SNTG1: variants seen among roughly 807,000 people sequenced by gnomAD.
The protein encoded by SNTG1 is gamma-1-syntrophin.
SNTG1 carries 39 observed loss-of-function variants against 74.7 expected under a neutral mutation model. The ratio of observed to expected loss-of-function variants is 0.52; its 90% CI spans 0.40 to 0.68. The LOEUF is 0.68. Among genes scored for constraint, SNTG1 ranks in the 30% least tolerant of loss-of-function variants. The probability of loss-of-function intolerance (pLI) is 0.00; values close to 1 mark genes in which losing one functional copy is unlikely to be tolerated. For synonymous variants in SNTG1, 254 were observed against 217.1 expected (o/e 1.17, Z -1.49); for missense variants, 685 against 609.5 (o/e 1.12, Z -1.30).
At chr8:50,382,964 C>A (rs949023296) in intron 2 of SNTG1, among the ~76,000 whole-genome samples, 1 of 152,100 alleles carries the variant, frequency 6.6e-6, no homozygotes. Context: ...GCTTTTAGGG[C>A]CTTTCAGTGA....
chr8:50,377,677 T>A (rs1199773585), intron 2 of SNTG1, among the ~76,000 whole-genome samples: 1 of 152,216 alleles, frequency 6.6e-6, no homozygotes, highest in Non-Finnish European at 1.5e-5. Context: ...AGCAATTTTA[T>A]CATATAAAGC....
intron 1 of SNTG1, among the ~76,000 whole-genome samples, chr8:49,930,005 A>G (rs924080816): frequency 6.6e-6 from 1 of 151,924 alleles, no homozygotes; most frequent in African/African-American, 2.4e-5. Flanking sequence ...GTAAACAACT[A>G]AAACAAAACA....
At chr8:49,976,968 G>A (rs1368083721) in intron 1 of SNTG1, among the ~76,000 whole-genome samples, 1 of 152,160 alleles carries the variant, frequency 6.6e-6, no homozygotes, top group Non-Finnish European at 1.5e-5. Context: ...ATGGGCAGAG[G>A]CTGACAATTT....
intron 1 of SNTG1, among the ~76,000 whole-genome samples, chr8:50,006,605 A>C (rs571845462): frequency 3.3e-5 from 5 of 152,262 alleles, no homozygotes; most frequent in African/African-American, 1.2e-4. Context: ...CTAGTTTTAG[A>C]GACTGATTGT....
At chr8:50,101,893 A>AT (rs1381408378) in intron 1 of SNTG1, among the ~76,000 whole-genome samples, 1 of 152,044 alleles carries the variant, frequency 6.6e-6, no homozygotes, top group Non-Finnish European at 1.5e-5. Flanking sequence ...CGAACTCATC[A>AT]TTTTTTATGG....
At chr8:49,925,341 A>G (rs1228106078) in intron 1 of SNTG1, among the ~76,000 whole-genome samples, 1 of 152,162 alleles carries the variant, frequency 6.6e-6, no homozygotes, top group African/African-American at 2.4e-5. Context: ...TTGTAATACA[A>G]TACCCAAACC....
intron 1 of SNTG1, among the ~76,000 whole-genome samples, chr8:50,095,353 G>A (rs180796195): frequency 5.0e-4 from 76 of 152,284 alleles, no homozygotes; most frequent in African/African-American, 1.6e-3. Context: ...TTTAAGGACT[G>A]AAACCTTTCT....
At chr8:50,653,455 T>C (rs1349194797) in intron 13 of SNTG1, among the ~76,000 whole-genome samples, 1 of 152,198 alleles carries the variant, frequency 6.6e-6, no homozygotes, top group Admixed American at 6.5e-5. Flanking sequence ...AAAAACTTTA[T>C]AAGGTTGCGT....
intron 18 of SNTG1, among the ~76,000 whole-genome samples, chr8:50,781,002 AGTTGAGCG>A (rs1473656163): frequency 2.6e-5 from 4 of 152,150 alleles, no homozygotes; most frequent in African/African-American, 7.2e-5. Flanking sequence ...GTCTCCATGT[AGTTGAGCG>A]GTTTTGAGTG....
intron 1 of SNTG1, among the ~76,000 whole-genome samples, chr8:50,120,702 A>G (rs1349044140): frequency 7.0e-6 from 1 of 142,478 alleles, no homozygotes; most frequent in Non-Finnish European, 1.6e-5. Flanking sequence ...TAGTATTGCA[A>G]TGAGGTTTCT....
At chr8:50,716,876 G>C (rs1173750762) in intron 17 of SNTG1, among the ~76,000 whole-genome samples, 1 of 151,878 alleles carries the variant, frequency 6.6e-6, no homozygotes, top group Non-Finnish European at 1.5e-5. Flanking sequence ...GGGACTACAG[G>C]GGCCCGCCAC....
At chr8:50,716,576 GT>G (rs1042531771) in intron 17 of SNTG1, among the ~76,000 whole-genome samples, 1 of 151,814 alleles carries the variant, frequency 6.6e-6, no homozygotes, top group Non-Finnish European at 1.5e-5. Flanking sequence ...TCAGGTACTT[GT>G]TTCCTAATCT....
chr8:50,119,625 TAGATG>T (rs1243194939), intron 1 of SNTG1, among the ~76,000 whole-genome samples: 1 of 141,874 alleles, frequency 7.0e-6, no homozygotes, highest in African/African-American at 2.5e-5. Context: ...TTATGAAAAT[TAGATG>T]AGATAATAGG....
At chr8:49,938,557 GTTTTC>G (rs1417018491) in intron 1 of SNTG1, among the ~76,000 whole-genome samples, 4 of 127,228 alleles carry the variant, frequency 3.1e-5, no homozygotes, top group Admixed American at 8.0e-5. Flanking sequence ...CTTTTCTTTT[GTTTTC>G]TTTTCTTTTC....
At position 50,749,350 on chromosome 8, in the gene SNTG1, G is replaced by A. The variant is rs544091466; in HGVS notation, c.1285-2651G>A. On this transcript the variant is annotated intron_variant, in intron 17 of 18. Transcript: ENST00000642720. ...CATAAGTTTGTTCATGAGGTTTAAGGAGAGAAGCCATCTCTACACCATAAA... is the reference window on the plus strand; with the variant it reads ...CATAAGTTTGTTCATGAGGTTTAAGAAGAGAAGCCATCTCTACACCATAAA... Among the ~76,000 whole-genome samples the A allele has an allele frequency of 2.3e-4, 35 of 152,158 alleles. No individual in the cohort carries two copies. In the South Asian group the frequency reaches 7.3e-3, roughly 32 times the overall value.
intron 4 of SNTG1, among the ~76,000 whole-genome samples, chr8:50,406,775 C>T (rs1163862440): frequency 6.6e-6 from 1 of 152,048 alleles, no homozygotes; most frequent in Non-Finnish European, 1.5e-5. Flanking sequence ...TTGTCAAATG[C>T]TTTTTCTGAA....
intron 15 of SNTG1, among the ~76,000 whole-genome samples, chr8:50,691,022 T>A (rs2095376159): frequency 6.6e-6 from 1 of 152,216 alleles, no homozygotes; most frequent in African/African-American, 2.4e-5. Context: ...TTGTCTCTTT[T>A]GATCTTTGTT....
chr8:50,433,671 A>T (rs1304689285), intron 4 of SNTG1, among the ~76,000 whole-genome samples: 1 of 152,156 alleles, frequency 6.6e-6, no homozygotes, highest in African/African-American at 2.4e-5. Flanking sequence ...GGTTGCTGTG[A>T]TAATTACTTA....
intron 1 of SNTG1, among the ~76,000 whole-genome samples, chr8:50,145,275 C>A (rs1337704372): frequency 6.6e-6 from 1 of 152,020 alleles, no homozygotes; most frequent in African/African-American, 2.4e-5. Flanking sequence ...TAAAATAAGT[C>A]TTGAAACAGA....
Sources: allele counts gnomAD v4.1 joint callset (sites outside exome capture counted in the v4.1 genomes callset), GRCh38; gene constraint gnomAD v4.1.1; transcripts MANE v1.5; gene names NCBI Gene and HGNC (gene_info 2026-07-23, HGNC 2026-07-21).